Variants in CNST observed in about 807,000 individuals in gnomAD.
The protein encoded by CNST is consortin.
CNST carries 39 observed loss-of-function variants against 72.4 expected under a neutral mutation model. The observed-to-expected ratio is 0.54, with a 90% CI of 0.42 to 0.70. The LOEUF (loss-of-function observed/expected upper bound fraction) is 0.70. CNST is among the 30% of genes least tolerant of loss of function. The pLI is 0.00. For missense variants in CNST, 871 were observed against 868.5 expected (o/e 1.00, Z -0.04); for synonymous variants, 332 against 320.1 (o/e 1.04, Z -0.40).
chr1:246,625,624 G>A (rs1302943987), intron 3 of CNST, among the ~76,000 whole-genome samples: 1 of 151,476 alleles, frequency 6.6e-6, no homozygotes, highest in African/African-American at 2.4e-5. Context: ...GTTTCACCAT[G>A]TTGGCCAGGA....
intron 2 of CNST, chr1:246,605,997 C>T (rs1447419630): frequency 6.6e-6 from 1 of 151,528 alleles, no homozygotes; most frequent in Non-Finnish European, 1.5e-5. Flanking sequence ...TCTTTCATTC[C>T]TGTCTATTTG....
chr1:246,630,572 C>T (rs1664713597), intron 3 of CNST, among the ~76,000 whole-genome samples: 1 of 152,100 alleles, frequency 6.6e-6, no homozygotes, highest in Non-Finnish European at 1.5e-5. Flanking sequence ...TATGCTGTTT[C>T]CCCTGAGGGA....
intron 2 of CNST, among the ~76,000 whole-genome samples, chr1:246,614,542 G>C (rs1021393101): frequency 6.9e-6 from 1 of 145,136 alleles, no homozygotes; most frequent in Non-Finnish European, 1.5e-5. Flanking sequence ...AGACAGTCTC[G>C]CTCTCTACAA....
rs188738667 is a variant in CNST, at chr1:246,659,323, G to C, written c.1837-876G>C. Among the ~76,000 whole-genome samples, 105 of 152,278 alleles carry C rather than the reference G, an allele frequency of 6.9e-4. 2 individuals carry two copies. The East Asian group carries it at 0.018, about 26-fold the overall frequency. On this transcript the variant is annotated intron_variant, in intron 9 of 10. Coordinates refer to ENST00000366513, the MANE Select transcript of CNST (RefSeq NM_152609.3). ...AAGTAATATGTCCCAGGCCGGGTGC[G>C]GTGGCTCACACCTGTAATCCCAGCA...
intron 6 of CNST, among the ~76,000 whole-genome samples, chr1:246,639,556 C>A (rs1665541919): frequency 6.6e-6 from 1 of 152,098 alleles, no homozygotes; most frequent in African/African-American, 2.4e-5. Context: ...CCGATACCCC[C>A]ACTCTGCCAA....
intron 9 of CNST, among the ~76,000 whole-genome samples, chr1:246,654,020 C>T (rs1230040000): frequency 6.6e-6 from 1 of 152,128 alleles, no homozygotes; most frequent in South Asian, 2.1e-4. Flanking sequence ...GGTTCTTGAT[C>T]GAACACACGG....
In CNST at chr1:246,633,961, G is replaced by A. The variant is rs568887250; in HGVS notation, c.654G>A (p.Leu218=). The change falls in exon 5 of 11, where the codon TTG becomes TTA. Residue 218 remains leucine, a synonymous_variant. Transcript: ENST00000366513. ...TGAAATTCATTCAGCTAGAACGATT[G>A]TATCATGAGCAATTGCTCGCAAATC... ...KAMKFIQLER[L]YHEQLLANLS... is the part of the protein sequence containing the mutation. The A allele has an allele frequency of 1.9e-5, 31 of 1,613,290 alleles. No homozygotes were observed. The South Asian group carries it at 3.2e-4, about 17-fold the overall frequency.
rs1666182720 is a variant in CNST, at chr1:246,647,596, G to T, written c.1395G>T (p.Arg465=). ...GGAAAGAACTCCGTTTGCCACTTCG[G>T]GATGCTTCTGAGGCGTTGCCCACAG... ...AQRKELRLPL[R]DASEALPTDQ... Residue 465 remains arginine, a synonymous_variant, in exon 9 of 11, where the codon CGG becomes CGT. Transcript: ENST00000366513. The T allele has an allele frequency of 6.2e-7, 1 of 1,614,162 alleles. No homozygotes were observed. The highest frequency in any genetic ancestry group is 8.5e-7 in the Non-Finnish European group (1 of 1,180,044).
At chr1:246,573,806 T>A (rs1660211153) in intron 1 of CNST, among the ~76,000 whole-genome samples, 1 of 152,226 alleles carries the variant, frequency 6.6e-6, no homozygotes, top group Non-Finnish European at 1.5e-5. Flanking sequence ...AACCACGTAC[T>A]TTGTATAGCC....
intron 2 of CNST, among the ~76,000 whole-genome samples, chr1:246,612,514 T>C (rs1055994859): frequency 2.0e-5 from 3 of 152,234 alleles, no homozygotes; most frequent in African/African-American, 7.2e-5. Flanking sequence ...TGGACGTGTT[T>C]AATGCCACTG....
At chr1:246,575,155 G>A (rs1283546328) in intron 1 of CNST, among the ~76,000 whole-genome samples, 1 of 152,018 alleles carries the variant, frequency 6.6e-6, no homozygotes, top group African/African-American at 2.4e-5. Context: ...CGCCAAGCCT[G>A]GCTAATTTTT....
chr1:246,602,558 G>C (rs1662362392), intron 2 of CNST, among the ~76,000 whole-genome samples: 1 of 152,154 alleles, frequency 6.6e-6, no homozygotes, highest in Non-Finnish European at 1.5e-5. Context: ...CACTCAACCT[G>C]GAAGTCATAC....
chr1:246,665,418 C>G (rs1667347679), intron 10 of CNST, among the ~76,000 whole-genome samples: 1 of 152,240 alleles, frequency 6.6e-6, no homozygotes, highest in Non-Finnish European at 1.5e-5. Flanking sequence ...GTGCTATGAG[C>G]ACGTGAGCTG....
intron 1 of CNST, among the ~76,000 whole-genome samples, chr1:246,586,676 T>C (rs1366692848): frequency 6.6e-6 from 1 of 152,114 alleles, no homozygotes. Context: ...GGGGCGGTTA[T>C]ATAGCCCAAC....
chr1:246,644,290 G>A (rs1204836429), intron 8 of CNST, among the ~76,000 whole-genome samples: 2 of 151,072 alleles, frequency 1.3e-5, no homozygotes, highest in African/African-American at 4.9e-5. Flanking sequence ...TGGAGAGGCT[G>A]AGGCAGGAGA....
chr1:246,665,802 TGG>T lies in CNST; in HGVS notation c.2076_2077del (p.Met692IlefsTer7), dbSNP rs772149525. On this transcript the variant is annotated frameshift_variant, in exon 11 of 11. Transcript: ENST00000366513. LOFTEE classifies it high-confidence loss of function. Reference sequence around the variant, plus strand: ...GCATTATACTGCACTTTCGGTGACATGGAGTCACCTGTTTGTACTGACTTTGC... The same window carrying T: ...GCATTATACTGCACTTTCGGTGACATAGTCACCTGTTTGTACTGACTTTGC... The T allele has an allele frequency of 7.4e-6, 12 of 1,612,846 alleles. No homozygotes were observed. Among genetic ancestry groups the T allele is most frequent in the Non-Finnish European group, 8.5e-7 (1 of 1,178,838 alleles).
intron 2 of CNST, among the ~76,000 whole-genome samples, chr1:246,597,107 CCAAA>C (rs1242077559): frequency 1.3e-5 from 2 of 152,066 alleles, no homozygotes; most frequent in Non-Finnish European, 2.9e-5. Context: ...TAACTTTATG[CCAAA>C]CAGTTTTCCA....
chr1:246,625,432 T>C (rs1283101104), intron 3 of CNST, among the ~76,000 whole-genome samples: 1 of 140,744 alleles, frequency 7.1e-6, no homozygotes, highest in Non-Finnish European at 1.5e-5. Flanking sequence ...TTTTTTTTTT[T>C]TTTTTTTGAG....
chr1:246,634,180 G>A, intron 5 of CNST, 170 bp downstream of exon 5: 1 of 573,000 alleles, frequency 1.7e-6, no homozygotes, highest in East Asian at 2.9e-5. Context: ...TATATTGTGA[G>A]AAGACTTTTT....
Sources: gnomAD v4.1 joint callset for allele counts (sites outside exome capture counted in the v4.1 genomes callset) on GRCh38, gnomAD v4.1.1 for gene constraint, MANE v1.5 for transcripts, NCBI Gene and HGNC (gene_info 2026-07-23, HGNC 2026-07-21) for gene names.